Variants in NTN1 observed in about 807,000 individuals in gnomAD.
NTN1 encodes netrin-1.
NTN1 carries 11 observed loss-of-function variants against 54.2 expected under a neutral mutation model. The ratio of observed to expected loss-of-function variants is 0.20; its 90% CI spans 0.13 to 0.34. NTN1 has a LOEUF of 0.34. Among genes scored for constraint, NTN1 ranks in the 10% least tolerant of loss-of-function variants. The probability of loss-of-function intolerance (pLI) is 1.00; values close to 1 mark genes in which losing one functional copy is unlikely to be tolerated. For synonymous variants in NTN1, 371 were observed against 382.0 expected, an observed-to-expected ratio of 0.97 and a Z score of 0.33; for missense variants, 740 against 893.1, an observed-to-expected ratio of 0.83 and a Z score of 2.18.
chr17:9,166,782 G>A (rs917204113), intron 3 of NTN1, among the ~76,000 whole-genome samples: 4 of 152,164 alleles, frequency 2.6e-5, no homozygotes, highest in Admixed American at 6.5e-5. Context: ...CTCCCAAATT[G>A]GCTTGGGAAC....
chr17:9,085,763 C>CA (rs1397391915), intron 2 of NTN1, among the ~76,000 whole-genome samples: 2 of 152,182 alleles, frequency 1.3e-5, no homozygotes, highest in Non-Finnish European at 2.9e-5. Flanking sequence ...TTCATTCAGC[C>CA]AATCAGCGAA....
chr17:9,216,169 G>A (rs1314756836), intron 5 of NTN1, among the ~76,000 whole-genome samples: 1 of 152,212 alleles, frequency 6.6e-6, no homozygotes, highest in Admixed American at 6.5e-5. Context: ...CATTGCCCAG[G>A]CTGGTCTTGA....
intron 2 of NTN1, among the ~76,000 whole-genome samples, chr17:9,063,841 A>AT (rs55928913): frequency 0.85 from 127,255 of 150,430 alleles, 53,937 homozygotes; most frequent in African/African-American, 0.9. Context: ...AGCCCCAAAG[A>AT]TTTTTTTTTT....
rs1417331536 is a variant in NTN1 at position 9,243,914 on chromosome 17, T to A, written c.*3946T>A. ...GGGGGGGGTGGGGGGTTGGTTAGAGTTGTAATGGACCCAGATGGAACTTGT... is the reference window on the plus strand; with the variant it reads ...GGGGGGGGTGGGGGGTTGGTTAGAGATGTAATGGACCCAGATGGAACTTGT... On this transcript the variant is annotated 3_prime_UTR_variant, in exon 7 of 7. Coordinates refer to ENST00000173229, the MANE Select transcript of NTN1 (RefSeq NM_004822.3). 1 of 150,226 alleles carries A rather than the reference T, an allele frequency of 6.7e-6. No homozygotes were observed. The allele number at this position is 150,226 out of a possible 1,614,324, so 9.3% of individuals were successfully genotyped here.
rs550535084 is a variant in NTN1, at chr17:9,165,536, C to G, written c.1207+2535C>G. Among the ~76,000 whole-genome samples, 2 of 152,168 alleles carry G rather than the reference C, an allele frequency of 1.3e-5. No individual in the cohort carries two copies. The highest frequency in any genetic ancestry group is 4.8e-5 in the African/African-American group (2 of 41,422). On this transcript the variant is annotated intron_variant, in intron 3 of 6. Coordinates refer to ENST00000173229, the MANE Select transcript of NTN1 (RefSeq NM_004822.3). This position sits in a 1 kb window ranked among gnomAD's most constrained non-coding sequence, Gnocchi z 4.5. ...TCCCAGCCATGGACAGCAGCTGCCC[C>G]GGCCTTGGTGGGAACCCTGGGAGAA...
At chr17:9,086,363 A>G (rs186373719) in intron 2 of NTN1, among the ~76,000 whole-genome samples, 3 of 152,154 alleles carry the variant, frequency 2.0e-5, no homozygotes, top group Admixed American at 2.0e-4. Flanking sequence ...TAAAACAAAC[A>G]AACATTGAGA....
chr17:9,127,468 C>T (rs72811936), intron 2 of NTN1, among the ~76,000 whole-genome samples: 8,399 of 152,212 alleles, frequency 0.055, 291 homozygotes, highest in Middle Eastern at 0.095. Context: ...TAGGCTGGCA[C>T]GATGGCTGCC....
intron 6 of NTN1, among the ~76,000 whole-genome samples, chr17:9,227,956 C>T (rs1905656292): frequency 6.6e-6 from 1 of 152,172 alleles, no homozygotes; most frequent in Non-Finnish European, 1.5e-5. Context: ...CACACCATCA[C>T]AGCACTGCAC....
At chr17:9,144,325 G>T (rs1053382821) in intron 2 of NTN1, among the ~76,000 whole-genome samples, 1 of 151,900 alleles carries the variant, frequency 6.6e-6, no homozygotes, top group African/African-American at 2.4e-5. Context: ...AGTGATCATC[G>T]TAACATCAAC....
chr17:9,085,885 C>T (rs1367620063), intron 2 of NTN1, among the ~76,000 whole-genome samples: 1 of 152,144 alleles, frequency 6.6e-6, no homozygotes, highest in Admixed American at 6.5e-5. Context: ...CGTGGGGTGA[C>T]AGAGGGGCGC....
At chr17:9,106,356 G>A (rs1019622937) in intron 2 of NTN1, among the ~76,000 whole-genome samples, 16 of 152,216 alleles carry the variant, frequency 1.1e-4, no homozygotes, top group Non-Finnish European at 4.4e-5. Flanking sequence ...GAAGTGTGAA[G>A]CTGTAGGCCT....
rs1555580718 is a variant in NTN1, at chr17:9,239,576, TC to T, written c.1487-63del. ...GGTCTCCTTTCCCTTCTCCCCAGGC[TC>T]AGGCAGGGCGGACCTAGCCACAGCA... On this transcript the variant is annotated intron_variant, in intron 6 of 6. Coordinates refer to ENST00000173229, the MANE Select transcript of NTN1 (RefSeq NM_004822.3). The surrounding 1 kb of genome is among the most constrained non-coding windows in gnomAD (Gnocchi z 5.2). 1 of 1,525,332 alleles carries T rather than the reference TC, an allele frequency of 6.6e-7. No homozygotes were observed. The highest frequency in any genetic ancestry group is 9.0e-7 in the Non-Finnish European group (1 of 1,113,656). 94.5% of individuals were successfully genotyped at this position (1,525,332 alleles called of 1,614,324 possible). A position where few individuals can be genotyped will look rare whatever the true frequency, so the allele number is the denominator to read the frequency against.
intron 2 of NTN1, among the ~76,000 whole-genome samples, chr17:9,155,022 G>A (rs756074477): frequency 3.5e-4 from 54 of 152,250 alleles, no homozygotes; most frequent in Non-Finnish European, 6.3e-4. Flanking sequence ...CCATATGCAC[G>A]TTACAGTTGG....
In NTN1 at chr17:9,221,147, T is replaced by TCGCCCC; in HGVS notation, c.1412-20_1412-19insGCCCCC. 1.5e-6 allele frequency: 2 copies of TCGCCCC among 1,303,812 alleles called. No homozygotes were observed. Among genetic ancestry groups the TCGCCCC allele is most frequent in the South Asian group, 1.3e-5 (1 of 74,082 alleles). 80.8% of individuals were successfully genotyped at this position (1,303,812 alleles called of 1,614,324 possible). A position where few individuals can be genotyped will look rare whatever the true frequency, so the allele number is the denominator to read the frequency against. Reference sequence around the variant, plus strand: ...CAGCCTAATTAGTTTTTGTCTGTGCTCCCCCCCCACCCCCCTGCAGACTGC... The same window carrying TCGCCCC: ...CAGCCTAATTAGTTTTTGTCTGTGCTCGCCCCCCCCCCCCACCCCCCTGCAGACTGC... On this transcript the variant is annotated intron_variant, in intron 5 of 6. Coordinates refer to ENST00000173229, the MANE Select transcript of NTN1 (RefSeq NM_004822.3). This position sits in a 1 kb window ranked among gnomAD's most constrained non-coding sequence, Gnocchi z 4.5.
At chr17:9,111,138 G>A (rs1044256449) in intron 2 of NTN1, among the ~76,000 whole-genome samples, 4 of 151,686 alleles carry the variant, frequency 2.6e-5, no homozygotes, top group Non-Finnish European at 4.4e-5. Flanking sequence ...GGGTTTCACC[G>A]TGTTGGCCAG....
chr17:9,207,246 C>A (rs546883082), intron 5 of NTN1, among the ~76,000 whole-genome samples: 5 of 152,302 alleles, frequency 3.3e-5, no homozygotes, highest in Admixed American at 3.3e-4. Context: ...GGAACCACAT[C>A]CGCTACAGAT....
intron 2 of NTN1, among the ~76,000 whole-genome samples, chr17:9,106,702 CG>C (rs1230576531): frequency 6.6e-6 from 1 of 151,850 alleles, no homozygotes; most frequent in East Asian, 1.9e-4. Flanking sequence ...TTAGTAGAGA[CG>C]GGGGTTTCAC....
chr17:9,051,792 C>T (rs2091961089), intron 2 of NTN1, among the ~76,000 whole-genome samples: 1 of 152,092 alleles, frequency 6.6e-6, no homozygotes, highest in Non-Finnish European at 1.5e-5. Context: ...ACTTGTTCAT[C>T]CTGTCTAACT....
At chr17:9,113,843 A>C (rs1004727373) in intron 2 of NTN1, among the ~76,000 whole-genome samples, 2 of 151,848 alleles carry the variant, frequency 1.3e-5, no homozygotes, top group African/African-American at 4.8e-5. Context: ...AGCTAAATAA[A>C]CTCTAATGTA....
Sources: gnomAD v4.1 joint callset for allele counts (sites outside exome capture counted in the v4.1 genomes callset) on GRCh38, gnomAD v4.1.1 for gene constraint, Gnocchi (gnomAD v3.1) non-coding constraint, MANE v1.5 for transcripts, NCBI Gene and HGNC (gene_info 2026-07-23, HGNC 2026-07-21) for gene names.